The following CMSS1 variants were observed in gnomAD, a reference collection of about 807,000 sequenced individuals.
The protein encoded by CMSS1 is protein CMSS1.
CMSS1 carries 33 observed loss-of-function variants against 43.5 expected under a neutral mutation model. The ratio of observed to expected loss-of-function variants is 0.76; its 90% CI spans 0.57 to 1.01. The LOEUF (loss-of-function observed/expected upper bound fraction) is 1.01, where lower values mean the gene tolerates loss of function less well. Among genes scored for constraint, CMSS1 ranks in the 50% least tolerant of loss-of-function variants. CMSS1 has a pLI of 0.00. For missense variants in CMSS1, 313 were observed against 326.4 expected (o/e 0.96, Z 0.32); for synonymous variants, 115 against 117.2 (o/e 0.98, Z 0.12).
At chr3:100,046,446 A>G (rs1362811771) in intron 1 of CMSS1, among the ~76,000 whole-genome samples, 1 of 150,552 alleles carries the variant, frequency 6.6e-6, no homozygotes, top group Non-Finnish European at 1.5e-5. Context: ...TTTTAAGTTT[A>G]CTAGTAGTAG....
chr3:100,034,169 G>A (rs552846738), intron 1 of CMSS1, among the ~76,000 whole-genome samples: 1 of 152,228 alleles, frequency 6.6e-6, no homozygotes, highest in South Asian at 2.1e-4. Flanking sequence ...TCCATTGTGG[G>A]GAAAGTTCCT....
At chr3:100,141,557 G>A (rs7629487) in intron 1 of CMSS1, 187,592 of 454,562 alleles carry the variant, frequency 0.41, 39,416 homozygotes, top group South Asian at 0.47. Flanking sequence ...TCAAGAGTTT[G>A]TGCAAGCAAA....
At chr3:99,980,146 A>G (rs1323362756) in intron 1 of CMSS1, among the ~76,000 whole-genome samples, 1 of 152,186 alleles carries the variant, frequency 6.6e-6, no homozygotes, top group Non-Finnish European at 1.5e-5. Flanking sequence ...GACATGCAGT[A>G]GTACCTTAGA....
intron 4 of CMSS1, among the ~76,000 whole-genome samples, chr3:100,165,158 C>G (rs2067055832): frequency 6.6e-6 from 1 of 152,114 alleles, no homozygotes; most frequent in South Asian, 2.1e-4. Context: ...CTTCAGTTCT[C>G]CAGGTGAGTC....
At chr3:100,136,507 C>G (rs929785941) in intron 1 of CMSS1, among the ~76,000 whole-genome samples, 1 of 152,202 alleles carries the variant, frequency 6.6e-6, no homozygotes, top group African/African-American at 2.4e-5. Flanking sequence ...TCTTGCTCCT[C>G]CTGGACTCTC....
intron 1 of CMSS1, among the ~76,000 whole-genome samples, chr3:100,043,044 C>G (rs553294367): frequency 4.6e-5 from 7 of 152,352 alleles, no homozygotes; most frequent in Non-Finnish European, 7.4e-5. Context: ...TTGCTCATCT[C>G]TCTTTACCTC....
At chr3:100,071,239 A>T (rs2065758538) in intron 1 of CMSS1, among the ~76,000 whole-genome samples, 1 of 151,926 alleles carries the variant, frequency 6.6e-6, no homozygotes, top group African/African-American at 2.4e-5. Context: ...ATTTTCTCTT[A>T]CTCACTTCAT....
At chr3:100,041,912 A>G (rs1212306307) in intron 1 of CMSS1, among the ~76,000 whole-genome samples, 1 of 152,194 alleles carries the variant, frequency 6.6e-6, no homozygotes, top group African/African-American at 2.4e-5. Flanking sequence ...ACAGCTGAAA[A>G]CTAGGATAGA....
intron 1 of CMSS1, among the ~76,000 whole-genome samples, chr3:99,948,344 T>A (rs1244189200): frequency 2.0e-5 from 3 of 151,828 alleles, no homozygotes; most frequent in South Asian, 2.1e-4. Context: ...ATAAAAAAAT[T>A]AAAAAATTTT....
At chr3:100,109,299 G>A (rs1003587903) in intron 1 of CMSS1, among the ~76,000 whole-genome samples, 1 of 151,908 alleles carries the variant, frequency 6.6e-6, no homozygotes, top group Non-Finnish European at 1.5e-5. Flanking sequence ...GTTTGAAGTG[G>A]GATTCTCTCA....
rs149115497 is a variant in CMSS1, at chr3:99,859,370, A to G, written c.64+41327A>G. 2.1e-3 allele frequency among the ~76,000 whole-genome samples: 320 copies of G among 152,354 alleles called. 1 individual carries two copies. Among genetic ancestry groups the G allele is most frequent in the Middle Eastern group, 0.014 (4 of 294 alleles). On this transcript the variant is annotated intron_variant, in intron 1 of 9. Transcript: ENST00000421999. ...ACAACCAAATAGTATGATGATACCA[A>G]AGCTTGTTTGGTCTTAAGATGTTTG...
intron 1 of CMSS1, among the ~76,000 whole-genome samples, chr3:99,853,137 A>T (rs928760551): frequency 6.6e-6 from 1 of 152,212 alleles, no homozygotes; most frequent in Non-Finnish European, 1.5e-5. Flanking sequence ...TCAAATGGTC[A>T]TGGGACTTCT....
intron 1 of CMSS1, among the ~76,000 whole-genome samples, chr3:100,061,673 A>G (rs1044449853): frequency 5.3e-5 from 8 of 152,230 alleles, no homozygotes; most frequent in Admixed American, 5.2e-4. Context: ...TGCTTTACAC[A>G]TATGAATTCA....
At chr3:100,035,910 AT>A (rs1179900426) in intron 1 of CMSS1, among the ~76,000 whole-genome samples, 1 of 152,138 alleles carries the variant, frequency 6.6e-6, no homozygotes, top group African/African-American at 2.4e-5. Context: ...CTATTATGTG[AT>A]TTGAACTTTG....
intron 1 of CMSS1, among the ~76,000 whole-genome samples, chr3:100,139,065 A>G (rs898755319): frequency 6.6e-6 from 1 of 152,174 alleles, no homozygotes; most frequent in Non-Finnish European, 1.5e-5. Context: ...GCTGGAAGCC[A>G]TCATCCTCAG....
At chr3:100,030,302 G>T (rs1479669296) in intron 1 of CMSS1, among the ~76,000 whole-genome samples, 1 of 152,116 alleles carries the variant, frequency 6.6e-6, no homozygotes, top group Non-Finnish European at 1.5e-5. Context: ...TATGCCACCA[G>T]AAGTCAGTGA....
At chr3:99,999,390 A>G (rs868437151) in intron 1 of CMSS1, among the ~76,000 whole-genome samples, 1 of 152,174 alleles carries the variant, frequency 6.6e-6, no homozygotes, top group South Asian at 2.1e-4. Flanking sequence ...GGTGTGCAAT[A>G]GTAGTTGTAT....
At chr3:100,158,112 A>T (rs954539203) in intron 2 of CMSS1, among the ~76,000 whole-genome samples, 10 of 152,156 alleles carry the variant, frequency 6.6e-5, no homozygotes, top group African/African-American at 2.2e-4. Context: ...TGGTTTTTAT[A>T]TAGATCCTGC....
intron 1 of CMSS1, among the ~76,000 whole-genome samples, chr3:99,922,400 G>A (rs938324340): frequency 8.5e-5 from 13 of 152,156 alleles, no homozygotes; most frequent in African/African-American, 2.9e-4. Context: ...ATATTTCAGA[G>A]TTCATGAGGA....
Sources: gnomAD v4.1 joint callset for allele counts (sites outside exome capture counted in the v4.1 genomes callset) on GRCh38, gnomAD v4.1.1 for gene constraint, MANE v1.5 for transcripts, NCBI Gene and HGNC (gene_info 2026-07-23, HGNC 2026-07-21) for gene names.